MAP7D2: variants seen among roughly 807,000 people sequenced by gnomAD.
The protein encoded by MAP7D2 is MAP7 domain containing 2, also known as MAP7 domain-containing protein 2.
In MAP7D2, 33 loss-of-function variants were observed where a neutral mutation model predicts 63.5. The observed-to-expected ratio is 0.52, with a 90% CI of 0.39 to 0.70. The LOEUF (loss-of-function observed/expected upper bound fraction) is 0.70, where lower values mean the gene tolerates loss of function less well. Among genes scored for constraint, MAP7D2 ranks in the 30% least tolerant of loss-of-function variants. The probability of loss-of-function intolerance (pLI) is 0.00; values close to 1 mark genes in which losing one functional copy is unlikely to be tolerated. For synonymous variants in MAP7D2, 224 were observed against 223.7 expected, an observed-to-expected ratio of 1.00 and a Z score of -0.01; for missense variants, 626 against 604.0, an observed-to-expected ratio of 1.04 and a Z score of -0.38.
At chrX:20,116,554 C>A in intron 1 of MAP7D2, 196 bp downstream of exon 1, 1 of 940,483 alleles carries the variant, frequency 1.1e-6, no homozygotes, top group Admixed American at 6.0e-5. Context: ...AGAAAGAACC[C>A]CGCCACTCGC....
intron 10 of MAP7D2, among the ~76,000 whole-genome samples, chrX:20,017,502 G>C (rs12013748): frequency 0.014 from 1,602 of 112,328 alleles, 27 homozygotes; most frequent in African/African-American, 0.049. Flanking sequence ...CAGGCTAACA[G>C]CCTATGTATG....
In MAP7D2 at chrX:20,010,969, T is replaced by C. The variant is rs1489132359; in HGVS notation, c.2156A>G (p.Asn719Ser). Residue 719 changes from asparagine to serine, a missense_variant, in exon 16 of 17, where the codon AAT becomes AGT. Transcript: ENST00000379643. ...AAGTGCTCGGGCATTACCAGTTCCATTTTGGTCCAGAGACACCCCAGGAAT... is the reference window on the plus strand; with the variant it reads ...AAGTGCTCGGGCATTACCAGTTCCACTTTGGTCCAGAGACACCCCAGGAAT... ...EMIPGVSLDQ[N>S]GTGNARALQD... 8.3e-7 allele frequency: 1 copy of C among 1,211,099 alleles called. No individual in the cohort carries two copies. The highest frequency in any genetic ancestry group is 1.7e-5 in the African/African-American group (1 of 57,673).
At chrX:20,048,105 T>C (rs1357485272) in intron 6 of MAP7D2, among the ~76,000 whole-genome samples, 1 of 111,555 alleles carries the variant, frequency 9.0e-6, no homozygotes, top group Non-Finnish European at 1.9e-5. Context: ...AAGGCCTGCT[T>C]ACAAGGTTAG....
intron 1 of MAP7D2, among the ~76,000 whole-genome samples, chrX:20,082,123 T>A (rs1026621936): frequency 2.7e-5 from 3 of 112,195 alleles, no homozygotes; most frequent in Non-Finnish European, 5.6e-5. Context: ...GCAATGCAAG[T>A]CATCAGGGTA....
At chrX:20,016,583 T>A (rs1024519888) in intron 10 of MAP7D2, among the ~76,000 whole-genome samples, 4 of 112,779 alleles carry the variant, frequency 3.5e-5, no homozygotes, top group African/African-American at 6.4e-5. Flanking sequence ...TAACGCATAC[T>A]GTATTGAAAA....
intron 10 of MAP7D2, among the ~76,000 whole-genome samples, chrX:20,021,992 T>C (rs1569515319): frequency 8.9e-6 from 1 of 112,150 alleles, no homozygotes; most frequent in Admixed American, 9.5e-5. Flanking sequence ...CCCAGCCTTT[T>C]AAGGTGCTAA....
In MAP7D2 at chrX:20,044,084, A is replaced by G. The variant is rs758732448; in HGVS notation, c.879+280T>C. Among the ~76,000 whole-genome samples the G allele has an allele frequency of 1.2e-4, 13 of 112,450 alleles. No homozygotes were observed. In the South Asian group the frequency reaches 2.6e-3, roughly 22 times the overall value. ...ATATCCGTAACGAGGAAGACAGAGG[A>G]TATTTAGAACATTCCTTCTGACTCC... On this transcript the variant is annotated intron_variant, in intron 7 of 16. Coordinates refer to ENST00000379643, the MANE Select transcript of MAP7D2 (RefSeq NM_001168465.2).
At chrX:20,036,305 C>T (rs755316013) in intron 8 of MAP7D2, among the ~76,000 whole-genome samples, 48 of 110,124 alleles carry the variant, frequency 4.4e-4, no homozygotes, top group Admixed American at 9.6e-4. Flanking sequence ...GGAAGTGGCG[C>T]GATCTCAGCT....
chrX:20,068,969 C>G (rs982480519), intron 1 of MAP7D2, among the ~76,000 whole-genome samples: 3 of 111,701 alleles, frequency 2.7e-5, no homozygotes, highest in Admixed American at 1.9e-4. Context: ...AAATGCCTTT[C>G]GCCTCCCTCC....
In MAP7D2 at chrX:20,024,481, G is replaced by A. The variant is rs530509780; in HGVS notation, c.1412+470C>T. 2.6e-4 allele frequency among the ~76,000 whole-genome samples: 29 copies of A among 112,340 alleles called. No homozygotes were observed. In the South Asian group the frequency reaches 9.7e-3, roughly 37 times the overall value. On this transcript the variant is annotated intron_variant, in intron 10 of 16. Coordinates refer to ENST00000379643, the MANE Select transcript of MAP7D2 (RefSeq NM_001168465.2). ...CCTACACACAACCCTATGCCTAGGG[G>A]ACACTGCTCAACCCTCCCCTCTGTC...
chrX:20,097,231 A>T (rs963794339), intron 1 of MAP7D2, among the ~76,000 whole-genome samples: 2 of 112,431 alleles, frequency 1.8e-5, no homozygotes, highest in African/African-American at 6.5e-5. Context: ...ATTAGTTACC[A>T]TATTATCCAG....
chrX:20,105,027 T>C (rs1030294150), intron 1 of MAP7D2, among the ~76,000 whole-genome samples: 3 of 111,908 alleles, frequency 2.7e-5, no homozygotes, highest in East Asian at 5.6e-4. Flanking sequence ...CAGTTTACGA[T>C]TCAGACGGTT....
chrX:20,114,345 T>C (rs1449034844), intron 1 of MAP7D2, among the ~76,000 whole-genome samples: 3 of 112,749 alleles, frequency 2.7e-5, no homozygotes, highest in Non-Finnish European at 5.6e-5. Context: ...GAGCTAAGAT[T>C]GTGCCACTGC....
intron 8 of MAP7D2, among the ~76,000 whole-genome samples, chrX:20,037,523 T>A (rs2064528994): frequency 9.0e-6 from 1 of 111,560 alleles, no homozygotes; most frequent in African/African-American, 3.3e-5. Context: ...CACCTGAAAG[T>A]GGACAGCTAC....
In MAP7D2 at chrX:20,112,503, G is replaced by A. The variant is rs181728272; in HGVS notation, c.130+4247C>T. Among the ~76,000 whole-genome samples the A allele has an allele frequency of 9.1e-4, 102 of 111,539 alleles. 1 individual carries two copies. Among genetic ancestry groups the A allele is most frequent in the Admixed American group, 4.2e-3 (44 of 10,507 alleles). The stretch of plus-strand genomic sequence containing the variant: ...GACTGACCTCAGAGGCAGACGAGGC[G>A]GGATCCCAAGGCCTAGTCAGACCCA... On this transcript the variant is annotated intron_variant, in intron 1 of 16. Transcript: ENST00000379643.
At chrX:20,116,241 C>G (rs777786720) in intron 1 of MAP7D2, among the ~76,000 whole-genome samples, 1 of 113,339 alleles carries the variant, frequency 8.8e-6, no homozygotes, top group East Asian at 2.8e-4. Context: ...GCGAATCTGC[C>G]TCTGCCAATG....
At position 20,033,759 on chromosome X, in the gene MAP7D2, G is replaced by A. The variant is rs189939139; in HGVS notation, c.1008-7807C>T. Among the ~76,000 whole-genome samples the A allele has an allele frequency of 1.4e-4, 16 of 111,776 alleles. No individual in the cohort carries two copies. The East Asian group carries it at 3.6e-3, about 25-fold the overall frequency. On this transcript the variant is annotated intron_variant, in intron 8 of 16. Coordinates refer to ENST00000379643, the MANE Select transcript of MAP7D2 (RefSeq NM_001168465.2). ...TTCAAAGCCACATCATTTCCAGTGCGTTTTAAAAATCACACACTTGGTCTG... is the reference window on the plus strand; with the variant it reads ...TTCAAAGCCACATCATTTCCAGTGCATTTTAAAAATCACACACTTGGTCTG...
chrX:20,066,438 C>T (rs1415831158), intron 1 of MAP7D2, among the ~76,000 whole-genome samples: 1 of 111,643 alleles, frequency 9.0e-6, no homozygotes, highest in Admixed American at 9.5e-5. Context: ...TCATGATTCC[C>T]CACATACATC....
chrX:20,112,902 T>C (rs917253675), intron 1 of MAP7D2, among the ~76,000 whole-genome samples: 2 of 112,033 alleles, frequency 1.8e-5, no homozygotes, highest in African/African-American at 6.5e-5. Context: ...TGTAAGGCAA[T>C]CAATGTAATT....
Sources: allele counts gnomAD v4.1 joint callset (sites outside exome capture counted in the v4.1 genomes callset), GRCh38; gene constraint gnomAD v4.1.1; transcripts MANE v1.5; gene names NCBI Gene and HGNC (gene_info 2026-07-23, HGNC 2026-07-21).